LUZP2: variants seen among roughly 807,000 people sequenced by gnomAD.
The protein encoded by LUZP2 is leucine zipper protein 2.
In LUZP2, 52 loss-of-function variants were observed where a neutral mutation model predicts 51.6. The ratio of observed to expected loss-of-function variants is 1.01; its 90% CI spans 0.81 to 1.27. The LOEUF (loss-of-function observed/expected upper bound fraction) is 1.27. Ranked by LOEUF, LUZP2 falls within the 50% of genes most tolerant of loss-of-function variation. The pLI, the probability that LUZP2 is intolerant of heterozygous loss-of-function variation, is 0.00. For synonymous variants in LUZP2, 154 were observed against 137.3 expected (o/e 1.12, Z -0.85); for missense variants, 436 against 395.4 (o/e 1.10, Z -0.87).
chr11:24,748,550 C>T (rs1279239467), intron 4 of LUZP2, among the ~76,000 whole-genome samples: 2 of 151,982 alleles, frequency 1.3e-5, no homozygotes, highest in Non-Finnish European at 2.9e-5. Context: ...ACCTCCACCA[C>T]CCAGGTTCAA....
At chr11:25,018,049 T>TTTTGTTTTG (rs772934460) in intron 9 of LUZP2, among the ~76,000 whole-genome samples, 57,212 of 99,458 alleles carry the variant, frequency 0.58, 11,352 homozygotes, top group South Asian at 0.61. Flanking sequence ...TTTTTTTTTG[T>TTTTGTTTTG]TTTTTTTTTT....
intron 8 of LUZP2, among the ~76,000 whole-genome samples, chr11:24,979,006 A>G (rs10767292): frequency 0.9 from 136,676 of 151,670 alleles, 63,269 homozygotes; most frequent in Non-Finnish European, 1. Context: ...TAGTCTACTT[A>G]TGTTCAAATC....
At chr11:24,973,057 G>GTT (rs1855790353) in intron 7 of LUZP2, among the ~76,000 whole-genome samples, 4 of 7,014 alleles carry the variant, frequency 5.7e-4, no homozygotes, top group Non-Finnish European at 9.8e-4. Flanking sequence ...TCTGGTCCTG[G>GTT]GTTTTTTTTT....
intron 1 of LUZP2, among the ~76,000 whole-genome samples, chr11:24,725,524 G>A (rs1215249950): frequency 1.3e-5 from 2 of 151,724 alleles, no homozygotes; most frequent in African/African-American, 4.8e-5. Flanking sequence ...AACATGGGTT[G>A]GAGAAACCTA....
At chr11:25,035,746 A>G (rs1328933972) in intron 9 of LUZP2, among the ~76,000 whole-genome samples, 1 of 152,080 alleles carries the variant, frequency 6.6e-6, no homozygotes, top group Non-Finnish European at 1.5e-5. Context: ...ATATGAAGGA[A>G]AAAATGTACT....
chr11:24,896,638 C>T (rs1195593448), intron 5 of LUZP2, among the ~76,000 whole-genome samples: 1 of 152,206 alleles, frequency 6.6e-6, no homozygotes, highest in East Asian at 1.9e-4. Flanking sequence ...CCCCCTGCTC[C>T]CCGGTGCCTG....
At chr11:24,870,924 A>G (rs940661257) in intron 5 of LUZP2, among the ~76,000 whole-genome samples, 2 of 152,030 alleles carry the variant, frequency 1.3e-5, no homozygotes, top group African/African-American at 2.4e-5. Flanking sequence ...ATGAATTTCT[A>G]TATATTCAGT....
intron 1 of LUZP2, among the ~76,000 whole-genome samples, chr11:24,542,309 C>T (rs918386921): frequency 2.0e-5 from 3 of 151,916 alleles, no homozygotes; most frequent in Non-Finnish European, 4.4e-5. Context: ...CATGGAGGAG[C>T]CCAGTGTACA....
At chr11:24,891,485 G>T (rs896259510) in intron 5 of LUZP2, 5 of 952,624 alleles carry the variant, frequency 5.2e-6, no homozygotes, top group Non-Finnish European at 6.2e-6. Flanking sequence ...TTACTATAAA[G>T]CTATATTATT....
At chr11:24,697,597 C>T (rs1292357222) in intron 1 of LUZP2, among the ~76,000 whole-genome samples, 1 of 152,174 alleles carries the variant, frequency 6.6e-6, no homozygotes, top group East Asian at 1.9e-4. Context: ...GATAATAGCT[C>T]CTTTCCAAAA....
chr11:24,934,190 A>G (rs1027244108), intron 7 of LUZP2, among the ~76,000 whole-genome samples: 1 of 152,176 alleles, frequency 6.6e-6, no homozygotes, highest in Admixed American at 6.5e-5. Context: ...TCTTTTCTGG[A>G]TCTTCATTTG....
At chr11:25,050,355 G>A (rs1858461146) in intron 10 of LUZP2, among the ~76,000 whole-genome samples, 1 of 132,996 alleles carries the variant, frequency 7.5e-6, no homozygotes, top group Non-Finnish European at 1.5e-5. Flanking sequence ...AGGCTGGAGT[G>A]CAGTGGCACA....
At chr11:24,733,717 A>T (rs1363272431) in intron 3 of LUZP2, among the ~76,000 whole-genome samples, 1 of 151,660 alleles carries the variant, frequency 6.6e-6, no homozygotes, top group Non-Finnish European at 1.5e-5. Context: ...CATGATGACT[A>T]TAGTTAATAA....
chr11:24,558,829 C>T (rs1246459426), intron 1 of LUZP2, among the ~76,000 whole-genome samples: 1 of 152,142 alleles, frequency 6.6e-6, no homozygotes, highest in Non-Finnish European at 1.5e-5. Context: ...GCAGACACCC[C>T]GTTGGATCAT....
intron 5 of LUZP2, among the ~76,000 whole-genome samples, chr11:24,815,798 C>T (rs753522704): frequency 6.6e-6 from 1 of 151,938 alleles, no homozygotes; most frequent in African/African-American, 2.4e-5. Flanking sequence ...CAAAATGTCC[C>T]TTATAAAAGA....
chr11:25,015,152 A>G (rs535655296), intron 9 of LUZP2, among the ~76,000 whole-genome samples: 20 of 152,296 alleles, frequency 1.3e-4, no homozygotes, highest in African/African-American at 4.1e-4. Flanking sequence ...CGATTTATTT[A>G]GTCATGCTAT....
intron 5 of LUZP2, among the ~76,000 whole-genome samples, chr11:24,878,099 T>TG (rs1554929827): frequency 8.5e-6 from 1 of 118,132 alleles, no homozygotes; most frequent in African/African-American, 3.1e-5. Context: ...TAATATTCTG[T>TG]GTTTTTTTTT....
chr11:24,856,813 C>A (rs1198069959), intron 5 of LUZP2, among the ~76,000 whole-genome samples: 3 of 151,978 alleles, frequency 2.0e-5, no homozygotes, highest in African/African-American at 7.2e-5. Context: ...AACTAGAGGC[C>A]ATTATCTTAC....
At chr11:24,898,263 T>C (rs1853149377) in intron 5 of LUZP2, among the ~76,000 whole-genome samples, 1 of 150,464 alleles carries the variant, frequency 6.6e-6, no homozygotes. Context: ...AAAAATCAGG[T>C]AAGTATGTCA....
Sources: allele counts gnomAD v4.1 joint callset (sites outside exome capture counted in the v4.1 genomes callset), GRCh38; gene constraint gnomAD v4.1.1; transcripts MANE v1.5; gene names NCBI Gene and HGNC (gene_info 2026-07-23, HGNC 2026-07-21).